SNX29: variants seen among roughly 807,000 people sequenced by gnomAD.
SNX29 encodes the protein sorting nexin-29.
A neutral mutation model predicts 102.1 loss-of-function variants in SNX29; 78 were observed. That is an observed-to-expected ratio of 0.76 (90% CI 0.64 to 0.92). The LOEUF (loss-of-function observed/expected upper bound fraction) is 0.92. SNX29 is among the 40% of genes least tolerant of loss of function. SNX29 has a pLI of 0.00. For missense variants in SNX29, 1,280 were observed against 1,061.7 expected, an observed-to-expected ratio of 1.21 and a Z score of -2.86; for synonymous variants, 580 against 414.5, an observed-to-expected ratio of 1.40 and a Z score of -4.85.
intron 18 of SNX29, among the ~76,000 whole-genome samples, chr16:12,476,430 A>ATG (rs2087652217): frequency 2.1e-5 from 2 of 97,118 alleles, no homozygotes; most frequent in Non-Finnish European, 4.0e-5. Context: ...ATATATATAT[A>ATG]TATATATATA....
chr16:12,568,311 A>AAAAAAAAG (rs779782609), intron 20 of SNX29, among the ~76,000 whole-genome samples, 195 bp from the exon 21 acceptor site: 2 of 151,470 alleles, frequency 1.3e-5, no homozygotes, highest in Non-Finnish European at 1.5e-5. Flanking sequence ...TGTTAAAAAA[A>AAAAAAAAG]AAAAAATGGA....
intron 18 of SNX29, among the ~76,000 whole-genome samples, chr16:12,457,292 G>T (rs1312569944): frequency 6.6e-6 from 1 of 152,210 alleles, no homozygotes; most frequent in East Asian, 1.9e-4. Context: ...TGCTCAGAAA[G>T]GTAAGGTAGG....
intron 20 of SNX29, among the ~76,000 whole-genome samples, chr16:12,563,484 A>T (rs557460691): frequency 2.8e-4 from 43 of 152,224 alleles, no homozygotes; most frequent in Non-Finnish European, 2.9e-4. Context: ...CTCAAGGAAT[A>T]GGGCTATTAA....
At chr16:12,309,562 G>A (rs1246069314) in intron 15 of SNX29, among the ~76,000 whole-genome samples, 2 of 152,146 alleles carry the variant, frequency 1.3e-5, no homozygotes, top group East Asian at 3.9e-4. Flanking sequence ...TTTGACGGCA[G>A]AGACTGACTT....
chr16:12,170,514 C>T (rs558011426), intron 13 of SNX29, among the ~76,000 whole-genome samples: 1 of 151,620 alleles, frequency 6.6e-6, no homozygotes, highest in African/African-American at 2.4e-5. Flanking sequence ...TGTATCAGAA[C>T]AGAGAGGAAA....
intron 13 of SNX29, among the ~76,000 whole-genome samples, chr16:12,154,701 T>C (rs2055461574): frequency 6.6e-6 from 1 of 152,094 alleles, no homozygotes; most frequent in South Asian, 2.1e-4. Flanking sequence ...TCTCTCATGG[T>C]TGTGGAGGCT....
intron 15 of SNX29, among the ~76,000 whole-genome samples, chr16:12,347,734 G>A (rs921528491): frequency 1.3e-5 from 2 of 152,048 alleles, no homozygotes; most frequent in South Asian, 2.1e-4. Context: ...TTTGTACCTC[G>A]TGACAAACCT....
intron 14 of SNX29, among the ~76,000 whole-genome samples, chr16:12,274,686 G>T (rs1264839467): frequency 1.3e-5 from 2 of 152,038 alleles, no homozygotes; most frequent in African/African-American, 4.8e-5. Context: ...ACAGGCATGT[G>T]GCACCACACC....
intron 13 of SNX29, among the ~76,000 whole-genome samples, chr16:12,174,608 C>G (rs1260938575): frequency 2.0e-5 from 3 of 152,184 alleles, no homozygotes; most frequent in Admixed American, 1.3e-4. Context: ...ACAAACCAAC[C>G]TCTTGTGGCG....
At chr16:12,336,095 T>C (rs551977975) in intron 15 of SNX29, among the ~76,000 whole-genome samples, 3 of 152,236 alleles carry the variant, frequency 2.0e-5, no homozygotes, top group Non-Finnish European at 4.4e-5. Flanking sequence ...TTTTGGGACA[T>C]AGAGAAATAT....
intron 18 of SNX29, among the ~76,000 whole-genome samples, chr16:12,437,811 C>G (rs1023609054): frequency 2.0e-5 from 3 of 152,188 alleles, no homozygotes; most frequent in Non-Finnish European, 4.4e-5. Flanking sequence ...GCTGCACCAT[C>G]AGTGAAGCAG....
At chr16:12,500,289 C>G (rs1324714062) in intron 19 of SNX29, among the ~76,000 whole-genome samples, 1 of 152,212 alleles carries the variant, frequency 6.6e-6, no homozygotes, top group East Asian at 1.9e-4. Flanking sequence ...TGAGCCACTT[C>G]TCCTGGCCCT....
intron 5 of SNX29, among the ~76,000 whole-genome samples, chr16:12,045,070 A>G (rs999479782): frequency 2.0e-5 from 3 of 152,196 alleles, no homozygotes; most frequent in Non-Finnish European, 4.4e-5. Context: ...GGGAAAACAC[A>G]TTCATTTAGA....
At chr16:12,418,667 A>C (rs1261602936) in intron 18 of SNX29, among the ~76,000 whole-genome samples, 3 of 152,028 alleles carry the variant, frequency 2.0e-5, no homozygotes, top group African/African-American at 7.2e-5. Context: ...GGTGCCTGCC[A>C]CCGTGCCCAG....
chr16:12,540,760 C>A (rs1206705168), intron 20 of SNX29, among the ~76,000 whole-genome samples: 1 of 152,224 alleles, frequency 6.6e-6, no homozygotes, highest in Non-Finnish European at 1.5e-5. Flanking sequence ...GATCTTACCG[C>A]CACCTCCCCT....
At chr16:12,065,946 A>G (rs1293247625) in intron 9 of SNX29, among the ~76,000 whole-genome samples, 2 of 152,170 alleles carry the variant, frequency 1.3e-5, no homozygotes, top group East Asian at 3.8e-4. Flanking sequence ...AGATAATGGT[A>G]TCTGTCTTGG....
At chr16:12,137,744 T>C (rs1294903776) in intron 13 of SNX29, among the ~76,000 whole-genome samples, 4 of 152,220 alleles carry the variant, frequency 2.6e-5, no homozygotes, top group Non-Finnish European at 4.4e-5. Flanking sequence ...TCAAAGGCAC[T>C]GATTATATTT....
chr16:12,473,796 G>A (rs1441583058), intron 18 of SNX29, among the ~76,000 whole-genome samples: 1 of 152,128 alleles, frequency 6.6e-6, no homozygotes, highest in Non-Finnish European at 1.5e-5. Flanking sequence ...CACCAGTACC[G>A]TGGCAGTTTG....
At position 12,460,519 on chromosome 16, in the gene SNX29, C is replaced by G. The variant is rs140708503; in HGVS notation, c.2038-17200C>G. ...CTCCTCTTCATCCTTCAAGGCTTTG[C>G]TCAGCCATCACCTCCTCCAGGAAAC... On this transcript the variant is annotated intron_variant, in intron 18 of 20. Coordinates refer to ENST00000566228, the MANE Select transcript of SNX29 (RefSeq NM_032167.5). 4.4e-3 allele frequency among the ~76,000 whole-genome samples: 664 copies of G among 152,278 alleles called. 5 individuals are homozygous for G. Among genetic ancestry groups the G allele is most frequent in the African/African-American group, 0.016 (652 of 41,542 alleles).
Sources: gnomAD v4.1 joint callset for allele counts (sites outside exome capture counted in the v4.1 genomes callset) on GRCh38, gnomAD v4.1.1 for gene constraint, MANE v1.5 for transcripts, NCBI Gene and HGNC (gene_info 2026-07-23, HGNC 2026-07-21) for gene names.